Variants in SEPTIN9 observed in about 807,000 individuals in gnomAD.
The protein encoded by SEPTIN9 is septin-9.
A neutral mutation model predicts 56.6 loss-of-function variants in SEPTIN9; 13 were observed. The ratio of observed to expected loss-of-function variants is 0.23; its 90% CI spans 0.15 to 0.37. The LOEUF is 0.37. SEPTIN9 is among the 10% of genes least tolerant of loss of function. The pLI, the probability that SEPTIN9 is intolerant of heterozygous loss-of-function variation, is 1.00. For synonymous variants in SEPTIN9, 332 were observed against 334.1 expected, an observed-to-expected ratio of 0.99 and a Z score of 0.07; for missense variants, 650 against 823.1, an observed-to-expected ratio of 0.79 and a Z score of 2.57.
At chr17:77,342,003 A>C (rs2033746384) in intron 2 of SEPTIN9, among the ~76,000 whole-genome samples, 3 of 151,454 alleles carry the variant, frequency 2.0e-5, no homozygotes, top group Admixed American at 2.0e-4. Context: ...GAATGGCGTG[A>C]ACCCGGGAGG....
At chr17:77,412,564 G>T (rs545854008) in intron 3 of SEPTIN9, among the ~76,000 whole-genome samples, 7 of 151,990 alleles carry the variant, frequency 4.6e-5, no homozygotes, top group Admixed American at 3.3e-4. Context: ...TGGCAAAACC[G>T]CATCTCTGCA....
At position 77,371,411 on chromosome 17, in the gene SEPTIN9, C is replaced by T. The variant is rs1480012276; in HGVS notation, c.77-30648C>T. Among the ~76,000 whole-genome samples, 2 of 152,262 alleles carry T rather than the reference C, an allele frequency of 1.3e-5. No homozygotes were observed. Among genetic ancestry groups the T allele is most frequent in the African/African-American group, 2.4e-5 (1 of 41,468 alleles). On this transcript the variant is annotated intron_variant, in intron 2 of 11. Transcript: ENST00000427177. The surrounding 1 kb of genome is among the most constrained non-coding windows in gnomAD (Gnocchi z 4.1). Reference sequence around the variant, plus strand: ...CTGACCCTGTGCTAATCTGGTGGAACTCCATGCCAGCCCTGGGAAAGAACA... The same window carrying T: ...CTGACCCTGTGCTAATCTGGTGGAATTCCATGCCAGCCCTGGGAAAGAACA...
intron 3 of SEPTIN9, among the ~76,000 whole-genome samples, chr17:77,459,052 C>T (rs1038845097): frequency 6.6e-6 from 1 of 152,196 alleles, no homozygotes; most frequent in Non-Finnish European, 1.5e-5. Context: ...AGGCAGTGAA[C>T]GGGGCCACGG....
chr17:77,454,365 T>G, intron 3 of SEPTIN9: 1 of 985,466 alleles, frequency 1.0e-6, no homozygotes, highest in Non-Finnish European at 1.2e-6. Context: ...CCCGGACAGG[T>G]AGGGACCTGT....
chr17:77,468,888 A>G (rs1254071309), intron 3 of SEPTIN9, among the ~76,000 whole-genome samples: 1 of 152,206 alleles, frequency 6.6e-6, no homozygotes, highest in Non-Finnish European at 1.5e-5. Context: ...AGTAATGGAA[A>G]TGGAGGGCCC....
chr17:77,286,975 G>A (rs575942885), intron 1 of SEPTIN9, among the ~76,000 whole-genome samples: 120 of 152,336 alleles, frequency 7.9e-4, no homozygotes, highest in African/African-American at 2.7e-3. Context: ...AGCTCTAGGC[G>A]GTTGCCAGGG....
At chr17:77,452,603 G>A (rs1403173363) in intron 3 of SEPTIN9, among the ~76,000 whole-genome samples, 19 of 152,064 alleles carry the variant, frequency 1.2e-4, no homozygotes, top group Admixed American at 1.2e-3. Flanking sequence ...GTCTGTTCGG[G>A]GCTGTGGAGA....
intron 2 of SEPTIN9, among the ~76,000 whole-genome samples, chr17:77,361,745 G>A (rs546044378): frequency 2.6e-5 from 4 of 152,014 alleles, no homozygotes; most frequent in East Asian, 3.9e-4. Flanking sequence ...CCATTCTCCC[G>A]CCTCAGCCTC....
intron 2 of SEPTIN9, among the ~76,000 whole-genome samples, chr17:77,393,551 G>A (rs749203207): frequency 5.9e-5 from 9 of 152,192 alleles, no homozygotes; most frequent in African/African-American, 1.7e-4. Context: ...CCCCTGCCGC[G>A]TGCCATGCCT....
intron 1 of SEPTIN9, among the ~76,000 whole-genome samples, chr17:77,306,767 G>A (rs939219010): frequency 6.6e-6 from 1 of 152,248 alleles, no homozygotes; most frequent in African/African-American, 2.4e-5. Context: ...ACGCTTGGGT[G>A]CAGCCCAGCT....
At chr17:77,383,028 T>C (rs1354723724) in intron 2 of SEPTIN9, among the ~76,000 whole-genome samples, 1 of 152,118 alleles carries the variant, frequency 6.6e-6, no homozygotes, top group Non-Finnish European at 1.5e-5. Flanking sequence ...AAGGCCAGGC[T>C]GGGAGGACCT....
In SEPTIN9 at chr17:77,422,342, C is replaced by G. The variant is rs560761164; in HGVS notation, c.721+19639C>G. ...AACGGAATGCTTGCTCACCCAGCCT[C>G]GGGGCCAGGCGGGGCGGCCAGGACA... On this transcript the variant is annotated intron_variant, in intron 3 of 11. Coordinates refer to ENST00000427177, the MANE Select transcript of SEPTIN9 (RefSeq NM_001113491.2). Among the ~76,000 whole-genome samples the G allele has an allele frequency of 3.3e-5, 5 of 152,296 alleles. No homozygotes were observed. In the South Asian group the frequency reaches 8.3e-4, roughly 25 times the overall value.
At position 77,499,168 on chromosome 17, in the gene SEPTIN9, C is replaced by G; in HGVS notation, c.*510C>G. On this transcript the variant is annotated 3_prime_UTR_variant, in exon 12 of 12. Coordinates refer to ENST00000427177, the MANE Select transcript of SEPTIN9 (RefSeq NM_001113491.2). Reference sequence around the variant, plus strand: ...CCCCCTGCCCGCCACATGGTGTGGCCATCACTCAGCCCCTACCCCTGCCCT... The same window carrying G: ...CCCCCTGCCCGCCACATGGTGTGGCGATCACTCAGCCCCTACCCCTGCCCT... 1 of 538,294 alleles carries G rather than the reference C, an allele frequency of 1.9e-6. No individual in the cohort carries two copies. The highest frequency in any genetic ancestry group is 3.6e-6 in the Non-Finnish European group (1 of 277,602). 33.3% of individuals were successfully genotyped at this position (538,294 alleles called of 1,614,324 possible).
chr17:77,496,607 G>A (rs2040270689), intron 10 of SEPTIN9, among the ~76,000 whole-genome samples: 2 of 152,244 alleles, frequency 1.3e-5, no homozygotes, highest in South Asian at 2.1e-4. Context: ...GCTCGAGCCC[G>A]AGGGCACTTG....
chr17:77,300,745 C>G (rs1174077944), intron 1 of SEPTIN9, among the ~76,000 whole-genome samples: 2 of 107,398 alleles, frequency 1.9e-5, no homozygotes, highest in Non-Finnish European at 3.8e-5. Context: ...CATCCCAGCT[C>G]AAACCGCCCC....
chr17:77,449,169 G>A lies in SEPTIN9; in HGVS notation c.722-32975G>A, dbSNP rs746556531. On this transcript the variant is annotated intron_variant, in intron 3 of 11. Transcript: ENST00000427177. The surrounding 1 kb of genome is among the most constrained non-coding windows in gnomAD (Gnocchi z 4.6). ...GCCGTTTCTGCTGGAGGGTTGGACCGAGGGCCAGCCGAGAAGGCTCTGGGG... is the reference window on the plus strand; with the variant it reads ...GCCGTTTCTGCTGGAGGGTTGGACCAAGGGCCAGCCGAGAAGGCTCTGGGG... Among the ~76,000 whole-genome samples, 1 of 152,136 alleles carries A rather than the reference G, an allele frequency of 6.6e-6. No individual in the cohort carries two copies. Among genetic ancestry groups the A allele is most frequent in the Non-Finnish European group, 1.5e-5 (1 of 68,040 alleles).
At chr17:77,301,012 G>A (rs1436639356) in intron 1 of SEPTIN9, among the ~76,000 whole-genome samples, 2 of 90,182 alleles carry the variant, frequency 2.2e-5, no homozygotes, top group African/African-American at 4.5e-5. Context: ...GGCTTAAAGC[G>A]CCCCCACCCC....
chr17:77,384,133 AGAGGCTGGCGG>A lies in SEPTIN9; in HGVS notation c.77-17916_77-17906del, dbSNP rs533374980. Among the ~76,000 whole-genome samples, 901 of 152,212 alleles carry A rather than the reference AGAGGCTGGCGG, an allele frequency of 5.9e-3. 12 individuals carry two copies. Among genetic ancestry groups the A allele is most frequent in the African/African-American group, 0.021 (854 of 41,532 alleles). On this transcript the variant is annotated intron_variant, in intron 2 of 11. Coordinates refer to ENST00000427177, the MANE Select transcript of SEPTIN9 (RefSeq NM_001113491.2). ...TGACCCGGAGTGGGGTGATTCGCAA[AGAGGCTGGCGG>A]GAGGCTGGCTGGGGGCTGGCTGGGG...
intron 2 of SEPTIN9, among the ~76,000 whole-genome samples, chr17:77,364,186 G>T (rs962002507): frequency 1.3e-5 from 2 of 152,206 alleles, no homozygotes; most frequent in African/African-American, 4.8e-5. Context: ...GGCCCAGCCA[G>T]CGCACCCCGC....
Sources: allele counts gnomAD v4.1 joint callset (sites outside exome capture counted in the v4.1 genomes callset), GRCh38; gene constraint gnomAD v4.1.1; non-coding constraint Gnocchi (gnomAD v3.1); transcripts MANE v1.5; gene names NCBI Gene and HGNC (gene_info 2026-07-23, HGNC 2026-07-21).